Variants in MINDY3 observed in about 807,000 individuals in gnomAD.
The protein encoded by MINDY3 is ubiquitin carboxyl-terminal hydrolase MINDY-3.
In MINDY3, 38 loss-of-function variants were observed where a neutral mutation model predicts 69.2. That is an observed-to-expected ratio of 0.55 (90% CI 0.42 to 0.72). MINDY3 has a LOEUF of 0.72. Among genes scored for constraint, MINDY3 ranks in the 30% least tolerant of loss-of-function variants. The pLI, the probability that MINDY3 is intolerant of heterozygous loss-of-function variation, is 0.00. For missense variants in MINDY3, 522 were observed against 519.0 expected (o/e 1.01, Z -0.06); for synonymous variants, 192 against 180.1 (o/e 1.07, Z -0.53).
intron 1 of MINDY3, among the ~76,000 whole-genome samples, chr10:15,854,233 G>A (rs1486498778): frequency 2.0e-5 from 3 of 152,028 alleles, no homozygotes; most frequent in Non-Finnish European, 4.4e-5. Flanking sequence ...GTTTTGGTGT[G>A]GTATTAAAGA....
intron 1 of MINDY3, among the ~76,000 whole-genome samples, chr10:15,850,553 T>G (rs1834211140): frequency 6.6e-6 from 1 of 152,088 alleles, no homozygotes; most frequent in African/African-American, 2.4e-5. Context: ...AGGGACGAAA[T>G]AAGCCCTGGT....
intron 11 of MINDY3, among the ~76,000 whole-genome samples, chr10:15,793,278 G>A (rs12262809): frequency 0.41 from 61,704 of 151,998 alleles, 16,286 homozygotes; most frequent in African/African-American, 0.76. Flanking sequence ...TTTAAGCTGA[G>A]TAAGTGTGCT....
At chr10:15,848,012 T>A (rs1833973858) in intron 1 of MINDY3, 69 bp from the exon 2 acceptor site, 1 of 1,282,536 alleles carries the variant, frequency 7.8e-7, no homozygotes, top group Non-Finnish European at 1.1e-6. Flanking sequence ...ATCTTTCATG[T>A]ACTTTGCTTT....
intron 13 of MINDY3, among the ~76,000 whole-genome samples, chr10:15,784,892 A>G (rs1836837201): frequency 6.6e-6 from 1 of 152,052 alleles, no homozygotes; most frequent in South Asian, 2.1e-4. Context: ...ATCGGAAAAG[A>G]TCTATGACAC....
intron 10 of MINDY3, among the ~76,000 whole-genome samples, chr10:15,813,978 C>CAAAAAAA (rs777561427): frequency 9.1e-5 from 6 of 66,278 alleles, no homozygotes; most frequent in African/African-American, 2.8e-4. Flanking sequence ...CACCAAAACT[C>CAAAAAAA]AAAAAAAAAA....
intron 2 of MINDY3, among the ~76,000 whole-genome samples, chr10:15,845,224 GTTTAT>G (rs1432225262): frequency 4.6e-5 from 7 of 151,266 alleles, no homozygotes; most frequent in African/African-American, 1.7e-4. Flanking sequence ...ATTTATGGAA[GTTTAT>G]TTTATTTCAC....
At chr10:15,856,561 C>T (rs1834707114) in intron 1 of MINDY3, among the ~76,000 whole-genome samples, 1 of 151,976 alleles carries the variant, frequency 6.6e-6, no homozygotes, top group African/African-American at 2.4e-5. Flanking sequence ...TTACACTCTC[C>T]CTCAGGCGTC....
At chr10:15,782,672 G>A (rs775484080) in intron 13 of MINDY3, among the ~76,000 whole-genome samples, 57 of 152,176 alleles carry the variant, frequency 3.7e-4, no homozygotes, top group Admixed American at 6.5e-4. Context: ...TTTGGCCCAC[G>A]ATGTTTAATT....
chr10:15,796,204 C>T (rs753554753), intron 10 of MINDY3, 32 bp from the exon 11 acceptor site: 1 of 1,558,632 alleles, frequency 6.4e-7, no homozygotes. Flanking sequence ...TGTCAACCAG[C>T]TACAGTATTA....
At chr10:15,790,350 G>A (rs1424471577) in intron 11 of MINDY3, among the ~76,000 whole-genome samples, 2 of 152,108 alleles carry the variant, frequency 1.3e-5, no homozygotes, top group African/African-American at 2.4e-5. Flanking sequence ...AAGGTTATGA[G>A]TCATCTAGAA....
chr10:15,795,236 A>G (rs1837724266), intron 11 of MINDY3, among the ~76,000 whole-genome samples: 1 of 152,084 alleles, frequency 6.6e-6, no homozygotes, highest in Non-Finnish European at 1.5e-5. Flanking sequence ...TAAGACTGAT[A>G]CCTAAGAAAA....
In MINDY3 at chr10:15,828,885, A is replaced by C. The variant is rs371471769; in HGVS notation, c.730+4745T>G. Among the ~76,000 whole-genome samples, 4 of 152,346 alleles carry C rather than the reference A, an allele frequency of 2.6e-5. No homozygotes were observed. The East Asian group carries it at 7.7e-4, about 29-fold the overall frequency. On this transcript the variant is annotated intron_variant, in intron 8 of 14. Transcript: ENST00000277632. Reference sequence around the variant, plus strand: ...CAATATAGAAAGAAAAATTACAATTAAATAGTTACTCGTTGAAAATCCTTA... The same window carrying C: ...CAATATAGAAAGAAAAATTACAATTCAATAGTTACTCGTTGAAAATCCTTA...
intron 10 of MINDY3, among the ~76,000 whole-genome samples, chr10:15,801,641 G>A (rs1210648177): frequency 6.6e-6 from 1 of 152,018 alleles, no homozygotes; most frequent in Non-Finnish European, 1.5e-5. Context: ...ACAGTAGTCT[G>A]CAGAAAAGAT....
chr10:15,790,131 C>T (rs1053036846), intron 11 of MINDY3, among the ~76,000 whole-genome samples: 1 of 151,896 alleles, frequency 6.6e-6, no homozygotes, highest in Non-Finnish European at 1.5e-5. Flanking sequence ...CCATGGAGAA[C>T]AAGATGTCCA....
chr10:15,810,554 T>C (rs751175339), intron 10 of MINDY3, among the ~76,000 whole-genome samples: 4 of 152,288 alleles, frequency 2.6e-5, no homozygotes, highest in African/African-American at 2.4e-5. Flanking sequence ...TATTCAGCCA[T>C]CTTAAGCACA....
chr10:15,793,023 C>T (rs570458240), intron 11 of MINDY3, among the ~76,000 whole-genome samples: 62 of 152,204 alleles, frequency 4.1e-4, no homozygotes, highest in African/African-American at 1.1e-3. Flanking sequence ...GCTAGTGAGG[C>T]GTAACGGATG....
chr10:15,790,388 G>A (rs1837319231), intron 11 of MINDY3, among the ~76,000 whole-genome samples: 1 of 152,114 alleles, frequency 6.6e-6, no homozygotes, highest in Admixed American at 6.6e-5. Context: ...TTTTTTAAGT[G>A]AAGGGTTTAG....
intron 13 of MINDY3, 143 bp downstream of exon 13, chr10:15,786,418 C>G (rs190717299): frequency 7.1e-5 from 44 of 615,404 alleles, no homozygotes; most frequent in Non-Finnish European, 1.2e-4. Context: ...TTCCCTCTGT[C>G]TGGGAAGGTT....
In MINDY3 at chr10:15,809,323, A is replaced by G. The variant is rs1838842969; in HGVS notation, c.882+7512T>C. Among the ~76,000 whole-genome samples, 4 of 152,306 alleles carry G rather than the reference A, an allele frequency of 2.6e-5. No individual in the cohort carries two copies. In the South Asian group the frequency reaches 6.2e-4, roughly 24 times the overall value. The stretch of plus-strand genomic sequence containing the variant: ...ACACAGCCTTCATCTAATAAGAGCT[A>G]GTTTTTTCTTCTGAAATTAAGGAAA... On this transcript the variant is annotated intron_variant, in intron 10 of 14. Transcript: ENST00000277632.
Sources: allele counts gnomAD v4.1 joint callset (sites outside exome capture counted in the v4.1 genomes callset), GRCh38; gene constraint gnomAD v4.1.1; transcripts MANE v1.5; gene names NCBI Gene and HGNC (gene_info 2026-07-23, HGNC 2026-07-21).